Variants in SHROOM1 observed in about 807,000 individuals in gnomAD.
SHROOM1 encodes the protein protein Shroom1.
Under a neutral mutation model 64.2 loss-of-function variants are expected in SHROOM1, and 53 were observed. That is an observed-to-expected ratio of 0.83 (90% CI 0.66 to 1.04). The LOEUF (loss-of-function observed/expected upper bound fraction) is 1.04. Ranked by LOEUF, SHROOM1 falls within the 50% of genes least tolerant of loss-of-function variation. The probability of loss-of-function intolerance (pLI) is 0.00; values close to 1 mark genes in which losing one functional copy is unlikely to be tolerated. For missense variants in SHROOM1, 1,179 were observed against 1,163.2 expected, an observed-to-expected ratio of 1.01 and a Z score of -0.20; for synonymous variants, 490 against 518.9, an observed-to-expected ratio of 0.94 and a Z score of 0.76.
At position 132,822,595 on chromosome 5, in the gene SHROOM1, C is replaced by G. The variant is rs1420781615; in HGVS notation, c.*201G>C. On this transcript the variant is annotated 3_prime_UTR_variant, in exon 10 of 10. Coordinates refer to ENST00000378679, the MANE Select transcript of SHROOM1 (RefSeq NM_001172700.2). Reference sequence around the variant, plus strand: ...AGCCAGGATGGTCTCGATCTCCTGACCTTGTGATCCGCCCGCCTCGGCCTC... The same window carrying G: ...AGCCAGGATGGTCTCGATCTCCTGAGCTTGTGATCCGCCCGCCTCGGCCTC... 3 of 563,800 alleles carry G rather than the reference C, an allele frequency of 5.3e-6. No individual in the cohort carries two copies. Among genetic ancestry groups the G allele is most frequent in the South Asian group, 4.4e-5 (2 of 45,320 alleles). 34.9% of individuals were successfully genotyped at this position (563,800 alleles called of 1,614,324 possible).
chr5:132,822,889 G>C lies in SHROOM1; in HGVS notation c.2466C>G (p.Asp822Glu), dbSNP rs1374568847. ...LLQDQLDAIR[D>E]DLGHHAPSPS... ...GAGACGGGGCATGATGGCCAAGGTC[G>C]TCCCTGATGGCGTCCAGTTGGTCCT... The change falls in exon 10 of 10, where the codon GAC becomes GAG. Residue 822 changes from aspartate (D) to glutamate (E), a missense_variant. Physicochemically the swap from Asp to Glu is conservative, Grantham distance 45. Transcript: ENST00000378679. The C allele has an allele frequency of 7.4e-6, 12 of 1,613,648 alleles. No homozygotes were observed. The South Asian group carries it at 1.2e-4, about 16-fold the overall frequency.
rs1758505316 is a variant in SHROOM1 at position 132,823,080 on chromosome 5, C to T, written c.2275G>A (p.Ala759Thr). Residue 759 changes from alanine (A) to threonine (T), a missense_variant, in exon 10 of 10, where the codon GCC becomes ACC. Physicochemically the swap from Ala to Thr is moderately conservative, Grantham distance 58. Transcript: ENST00000378679. The surrounding 1 kb of genome is among the most constrained non-coding windows in gnomAD (Gnocchi z 4.6). ...LRLLQRQEED[A>T]KELKEHVARR... is the part of the protein sequence containing the mutation. ...GCTACGTGCTCCTTCAGCTCCTTGG[C>T]GTCCTCCTCCTGCCGCTGCAGGAGC... The T allele has an allele frequency of 1.3e-6, 2 of 1,587,878 alleles. No homozygotes were observed. Among genetic ancestry groups the T allele is most frequent in the African/African-American group, 2.7e-5 (2 of 74,568 alleles).
Position 132,827,584 on chromosome 5 carries a change from C to T in SHROOM1, c.-477G>A, listed in dbSNP as rs890389920. 6.6e-6 allele frequency: 1 copy of T among 152,270 alleles called. No individual in the cohort carries two copies. The allele number at this position is 152,270 out of a possible 1,614,324, so 9.4% of individuals were successfully genotyped here. On this transcript the variant is annotated 5_prime_UTR_variant, in exon 2 of 10. Coordinates refer to ENST00000378679, the MANE Select transcript of SHROOM1 (RefSeq NM_001172700.2). ...TGAGCCGAGATCGCGCCACTGCACTCCAGCCTGGCGACAAAGTGAGGCTCT... is the reference window on the plus strand; with the variant it reads ...TGAGCCGAGATCGCGCCACTGCACTTCAGCCTGGCGACAAAGTGAGGCTCT...
Position 132,830,623 on chromosome 5 carries a change from G to A in SHROOM1, c.-530C>T. 1.0e-6 allele frequency: 1 copy of A among 985,346 alleles called. No individual in the cohort carries two copies. Among genetic ancestry groups the A allele is most frequent in the South Asian group, 4.7e-5 (1 of 21,392 alleles). 61.0% of individuals were successfully genotyped at this position (985,346 alleles called of 1,614,324 possible). Reference sequence around the variant, plus strand: ...GGCTCCCGCCGAGACGCGCTCCTGGGCCGTCGCAGCCGCGCGGTGACATCA... The same window carrying A: ...GGCTCCCGCCGAGACGCGCTCCTGGACCGTCGCAGCCGCGCGGTGACATCA... On this transcript the variant is annotated 5_prime_UTR_variant, in exon 1 of 10. Coordinates refer to ENST00000378679, the MANE Select transcript of SHROOM1 (RefSeq NM_001172700.2). This position sits in a 1 kb window ranked among gnomAD's most constrained non-coding sequence, Gnocchi z 5.9.
At position 132,826,084 on chromosome 5, in the gene SHROOM1, G is replaced by A; in HGVS notation, c.57C>T (p.Ser19=). The change falls in exon 4 of 10, where the codon AGC becomes AGT. Residue 19 remains serine, a synonymous_variant. Transcript: ENST00000378679. The stretch of plus-strand genomic sequence containing the variant: ...GCATGGACAGATGCCACAGGTCCAG[G>A]CTGCTAGTGGACGAGGCCGGGGAGG... ...DRASPASSTS[S]LDLWHLSMRA... is the part of the protein sequence containing the mutation. The A allele has an allele frequency of 7.1e-7, 1 of 1,416,998 alleles. No individual in the cohort carries two copies. The highest frequency in any genetic ancestry group is 9.2e-7 in the Non-Finnish European group (1 of 1,085,596). The allele number at this position is 1,416,998 out of a possible 1,614,324, so 87.8% of individuals were successfully genotyped here.
In SHROOM1 at chr5:132,823,320, A is replaced by G; in HGVS notation, c.2156T>C (p.Leu719Pro). The G allele has an allele frequency of 2.5e-6, 4 of 1,604,090 alleles. No individual in the cohort carries two copies. Among genetic ancestry groups the G allele is most frequent in the African/African-American group, 1.3e-5 (1 of 75,058 alleles). The part of the protein sequence containing the change: ...LERVLGLLLL[L>P]GSRLARVRRA... ...GCGCACGCGCGCCAGGCGACTGCCC[A>G]GCAGCAGCAGAAGGCCAAGCACGCG... is the stretch of plus-strand genomic sequence containing the variant. The change falls in exon 9 of 10, where the codon CTG (leucine) becomes CCG (proline). Residue 719 changes from leucine to proline, a missense_variant. Coordinates refer to ENST00000378679, the MANE Select transcript of SHROOM1 (RefSeq NM_001172700.2). This position sits in a 1 kb window ranked among gnomAD's most constrained non-coding sequence, Gnocchi z 4.6.
Position 132,825,717 on chromosome 5 carries a change from G to A in SHROOM1, c.424C>T (p.Arg142Cys), listed in dbSNP as rs1304728357. ...PSPPASRAAY[R>C]QRLQGAQRRV... ...CGCTGCGCGCCCTGAAGCCGCTGGCGGTAGGCGGCCCTCGAGGCCGGCGGG... is the reference window on the plus strand; with the variant it reads ...CGCTGCGCGCCCTGAAGCCGCTGGCAGTAGGCGGCCCTCGAGGCCGGCGGG... The change falls in exon 4 of 10, where the codon CGC (arginine) becomes TGC (cysteine). Residue 142 changes from arginine (R) to cysteine (C), a missense_variant. Physicochemically the swap from Arg to Cys is radical, Grantham distance 180 (BLOSUM62 -3). Transcript: ENST00000378679. This position sits in a 1 kb window ranked among gnomAD's most constrained non-coding sequence, Gnocchi z 5.1. 2.3e-6 allele frequency: 3 copies of A among 1,304,066 alleles called. No homozygotes were observed. Among genetic ancestry groups the A allele is most frequent in the Non-Finnish European group, 2.9e-6 (3 of 1,030,212 alleles). 80.8% of individuals were successfully genotyped at this position (1,304,066 alleles called of 1,614,324 possible).
At position 132,825,657 on chromosome 5, in the gene SHROOM1, C is replaced by A; in HGVS notation, c.484G>T (p.Glu162Ter). The A allele has an allele frequency of 7.4e-7, 1 of 1,353,252 alleles. No homozygotes were observed. 83.8% of individuals were successfully genotyped at this position (1,353,252 alleles called of 1,614,324 possible). ...VLRETSFQRK[E>*]LRMSLPARLR... ...CGGGCGGGCAGGCTCATGCGGAGCT[C>A]CTTGCGCTGGAACGACGTCTCCCGG... The change falls in exon 4 of 10, where the codon GAG becomes TAG. Residue 162 changes from glutamate (E) to a stop codon, truncating the protein, a stop_gained. Coordinates refer to ENST00000378679, the MANE Select transcript of SHROOM1 (RefSeq NM_001172700.2). LOFTEE classifies it high-confidence loss of function. This position sits in a 1 kb window ranked among gnomAD's most constrained non-coding sequence, Gnocchi z 5.1.
At position 132,825,354 on chromosome 5, in the gene SHROOM1, G is replaced by T. The variant is rs149767645; in HGVS notation, c.787C>A (p.Pro263Thr). Residue 263 changes from proline to threonine, a missense_variant, in exon 4 of 10, where the codon CCG (proline) becomes ACG (threonine). Coordinates refer to ENST00000378679, the MANE Select transcript of SHROOM1 (RefSeq NM_001172700.2). The surrounding 1 kb of genome is among the most constrained non-coding windows in gnomAD (Gnocchi z 5.1). ...PGPEPLEFQH[P>T]ALAKFEDHEV... The stretch of plus-strand genomic sequence containing the variant: ...TGATCTTCAAACTTAGCCAGCGCCG[G>T]ATGCTGGAACTCCAAGGGCTCGGGC... 9 of 1,601,056 alleles carry T rather than the reference G, an allele frequency of 5.6e-6. No individual in the cohort carries two copies. Among genetic ancestry groups the T allele is most frequent in the Non-Finnish European group, 7.6e-6 (9 of 1,179,098 alleles).
Position 132,825,353 on chromosome 5 carries a change from G to A in SHROOM1, c.788C>T (p.Pro263Leu), listed in dbSNP as rs563801893. 3.1e-6 allele frequency: 5 copies of A among 1,600,672 alleles called. No individual in the cohort carries two copies. Among genetic ancestry groups the A allele is most frequent in the South Asian group, 1.1e-5 (1 of 90,630 alleles). ...GTGATCTTCAAACTTAGCCAGCGCC[G>A]GATGCTGGAACTCCAAGGGCTCGGG... Reference protein sequence around the residue: ...PGPEPLEFQHPALAKFEDHEV... With the variant: ...PGPEPLEFQHLALAKFEDHEV... The change falls in exon 4 of 10, where the codon CCG becomes CTG. Residue 263 changes from proline (P) to leucine (L), a missense_variant. By Grantham distance (98) the Pro-to-Leu change is moderately conservative. Transcript: ENST00000378679. This position sits in a 1 kb window ranked among gnomAD's most constrained non-coding sequence, Gnocchi z 5.1.
At chr5:132,827,210 T>G (rs537899321) in intron 2 of SHROOM1, among the ~76,000 whole-genome samples, 1 of 152,312 alleles carries the variant, frequency 6.6e-6, no homozygotes, top group East Asian at 1.9e-4. Flanking sequence ...CCCTGTTGGC[T>G]TGCTTCTGAT....
chr5:132,826,480 G>A lies in SHROOM1; in HGVS notation c.-246C>T. 3.4e-6 allele frequency: 1 copy of A among 295,880 alleles called. No homozygotes were observed. 18.3% of individuals were successfully genotyped at this position (295,880 alleles called of 1,614,324 possible). The stretch of plus-strand genomic sequence containing the variant: ...TGCCCACACAAGCAGCCTTTACCCT[G>A]AGACCTCCTGGAACGCTGAGAATGT... On this transcript the variant is annotated 5_prime_UTR_variant, in exon 3 of 10. An upstream open reading frame in the 5' UTR gains an earlier in-frame stop. Transcript: ENST00000378679.
chr5:132,823,390 G>A lies in SHROOM1; in HGVS notation c.2086C>T (p.Pro696Ser), dbSNP rs151074868. 114 of 1,610,234 alleles carry A rather than the reference G, an allele frequency of 7.1e-5. No individual in the cohort carries two copies. The highest frequency in any genetic ancestry group is 5.0e-4 in the Middle Eastern group (3 of 6,042). ...CGGCTGAACCGCTCCAGCTCCTGAG[G>A]GGCACAGGCCTGGCGCACTGCAGCC... ...LEAAVRQACA[P>S]QELERFSRFM... is the part of the protein sequence containing the mutation. Residue 696 changes from proline (P) to serine (S), a missense_variant, in exon 9 of 10, where the codon CCT becomes TCT. By Grantham distance (74) the Pro-to-Ser change is moderately conservative. Transcript: ENST00000378679. This position sits in a 1 kb window ranked among gnomAD's most constrained non-coding sequence, Gnocchi z 4.6.
intron 1 of SHROOM1, among the ~76,000 whole-genome samples, chr5:132,828,170 C>T (rs1023170880): frequency 1.3e-5 from 2 of 152,110 alleles, no homozygotes; most frequent in African/African-American, 4.8e-5. Flanking sequence ...TCACCCTCCA[C>T]CCACGTCCCT....
chr5:132,824,420 C>T lies in SHROOM1; in HGVS notation c.1242-1G>A, dbSNP rs760351491. On this transcript the variant is annotated splice_acceptor_variant, in intron 6 of 9. Coordinates refer to ENST00000378679, the MANE Select transcript of SHROOM1 (RefSeq NM_001172700.2). LOFTEE classifies it high-confidence loss of function. The stretch of plus-strand genomic sequence containing the variant: ...ATACGGCTGGTCAGAGGCATGGACA[C>T]TGGAAGCAGAAAAGACACTGAATCA... 2 of 1,528,298 alleles carry T rather than the reference C, an allele frequency of 1.3e-6. No individual in the cohort carries two copies. Among genetic ancestry groups the T allele is most frequent in the Non-Finnish European group, 1.8e-6 (2 of 1,140,650 alleles). The allele number at this position is 1,528,298 out of a possible 1,614,324, so 94.7% of individuals were successfully genotyped here.
intron 1 of SHROOM1, chr5:132,829,681 TAC>T: frequency 1.0e-6 from 1 of 985,420 alleles, no homozygotes; most frequent in Non-Finnish European, 1.2e-6. Flanking sequence ...CTTCCCTCAG[TAC>T]TGGGCTCACT....
chr5:132,829,802 C>CG, intron 1 of SHROOM1: 1 of 985,462 alleles, frequency 1.0e-6, no homozygotes. Flanking sequence ...GGAAGTTCAC[C>CG]GGCTCTCCCT....
In SHROOM1 at chr5:132,830,495, C is replaced by A; in HGVS notation, c.-501+99G>T. ...GGGCTGCCCCGCGACCACCGCCTCGCCGCCCGCTCTTCACCCCCGTCCGCC... is the reference window on the plus strand; with the variant it reads ...GGGCTGCCCCGCGACCACCGCCTCGACGCCCGCTCTTCACCCCCGTCCGCC... On this transcript the variant is annotated intron_variant, in intron 1 of 9. Transcript: ENST00000378679. This position sits in a 1 kb window ranked among gnomAD's most constrained non-coding sequence, Gnocchi z 5.9. The A allele has an allele frequency of 1.0e-6, 1 of 985,354 alleles. No individual in the cohort carries two copies. The highest frequency in any genetic ancestry group is 4.6e-5 in the South Asian group (1 of 21,658). The allele number at this position is 985,354 out of a possible 1,614,324, so 61.0% of individuals were successfully genotyped here.
In SHROOM1 at chr5:132,825,975, G is replaced by A; in HGVS notation, c.166C>T (p.Pro56Ser). The change falls in exon 4 of 10, where the codon CCT becomes TCT. Residue 56 changes from proline (P) to serine (S), a missense_variant. Physicochemically the swap from Pro to Ser is moderately conservative, Grantham distance 74 (BLOSUM62 -1). Transcript: ENST00000378679. The surrounding 1 kb of genome is among the most constrained non-coding windows in gnomAD (Gnocchi z 5.1). ...RTQSPGTDLL[P>S]YLDWDYVRVV... ...CGCACGTAGTCCCAGTCTAGGTAAGGAAGGAGGTCTGTCCCCGGCGACTGC... is the reference window on the plus strand; with the variant it reads ...CGCACGTAGTCCCAGTCTAGGTAAGAAAGGAGGTCTGTCCCCGGCGACTGC... 2 of 1,510,206 alleles carry A rather than the reference G, an allele frequency of 1.3e-6. No homozygotes were observed. Among genetic ancestry groups the A allele is most frequent in the Non-Finnish European group, 1.8e-6 (2 of 1,128,730 alleles). 93.6% of individuals were successfully genotyped at this position (1,510,206 alleles called of 1,614,324 possible). A position where few individuals can be genotyped will look rare whatever the true frequency, so the allele number is the denominator to read the frequency against.
Sources: gnomAD v4.1 joint callset for allele counts (sites outside exome capture counted in the v4.1 genomes callset) on GRCh38, gnomAD v4.1.1 for gene constraint, Gnocchi (gnomAD v3.1) non-coding constraint, MANE v1.5 for transcripts, NCBI Gene and HGNC (gene_info 2026-07-23, HGNC 2026-07-21) for gene names.